Variants in LINGO2 observed in about 807,000 individuals in gnomAD.
LINGO2 encodes the protein leucine rich repeat and Ig domain containing 2.
A neutral mutation model predicts 30.6 loss-of-function variants in LINGO2; 14 were observed. The observed-to-expected ratio is 0.46, with a 90% CI of 0.30 to 0.72. LINGO2 has a LOEUF of 0.72. LINGO2 is among the 30% of genes least tolerant of loss of function. LINGO2 has a pLI of 0.07. For missense variants in LINGO2, 729 were observed against 751.7 expected (o/e 0.97, Z 0.35); for synonymous variants, 317 against 288.5 (o/e 1.10, Z -1.00).
intron 1 of LINGO2, among the ~76,000 whole-genome samples, chr9:28,556,744 C>G (rs566897375): frequency 1.1e-3 from 162 of 152,086 alleles, no homozygotes; most frequent in African/African-American, 3.3e-3. Flanking sequence ...TGACTTCAAA[C>G]TATACTACAA....
chr9:29,189,302 G>A, the LINGO2 span, among the ~76,000 whole-genome samples: 1 of 151,720 alleles, frequency 6.6e-6, no homozygotes, highest in Non-Finnish European at 1.5e-5. Context: ...GGACGGGGTG[G>A]CTGCCGGGCG....
chr9:28,639,625 A>C (rs1015561078), intron 1 of LINGO2, among the ~76,000 whole-genome samples: 2 of 152,016 alleles, frequency 1.3e-5, no homozygotes, highest in Admixed American at 6.5e-5. Context: ...CTGTTTTATC[A>C]GAGACTAGGA....
At chr9:28,250,113 T>A (rs1442008202) in intron 4 of LINGO2, among the ~76,000 whole-genome samples, 5 of 152,112 alleles carry the variant, frequency 3.3e-5, no homozygotes, top group Non-Finnish European at 7.4e-5. Context: ...GTCCCTGTCC[T>A]CATGGGTCTT....
intron 1 of LINGO2, among the ~76,000 whole-genome samples, chr9:28,524,332 AAT>A: frequency 6.6e-6 from 1 of 152,328 alleles, no homozygotes; most frequent in South Asian, 2.1e-4. Flanking sequence ...GGTATAGGAG[AAT>A]ATGTTTGTAA....
chr9:28,777,893 C>A, the LINGO2 span, among the ~76,000 whole-genome samples: 3 of 152,008 alleles, frequency 2.0e-5, no homozygotes, highest in Non-Finnish European at 4.4e-5. Flanking sequence ...ATTTTAAAAT[C>A]CTGATTTCTC....
chr9:28,617,823 G>C (rs532890593), intron 1 of LINGO2, among the ~76,000 whole-genome samples: 116 of 151,940 alleles, frequency 7.6e-4, no homozygotes, highest in African/African-American at 2.7e-3. Context: ...ATTAACTAAG[G>C]CTGGGCAAGA....
chr9:28,792,456 AAC>A, the LINGO2 span, among the ~76,000 whole-genome samples: 2 of 152,100 alleles, frequency 1.3e-5, no homozygotes, highest in African/African-American at 4.8e-5. Flanking sequence ...TATGATCATA[AAC>A]ACACTATCTT....
At chr9:28,447,018 C>A (rs541730460) in intron 2 of LINGO2, among the ~76,000 whole-genome samples, 2 of 152,140 alleles carry the variant, frequency 1.3e-5, no homozygotes, top group Non-Finnish European at 2.9e-5. Flanking sequence ...CTGCCCTCCC[C>A]CTCAGTGCCC....
At chr9:29,173,427 G>A in the LINGO2 span, among the ~76,000 whole-genome samples, 32 of 152,154 alleles carry the variant, frequency 2.1e-4, no homozygotes, top group Middle Eastern at 3.4e-3. Context: ...CGAATTTACC[G>A]ATTTACACTG....
At chr9:28,919,593 T>A in the LINGO2 span, among the ~76,000 whole-genome samples, 1 of 152,132 alleles carries the variant, frequency 6.6e-6, no homozygotes, top group African/African-American at 2.4e-5. Context: ...ATCACAGGTG[T>A]ATGTGTCATA....
intron 2 of LINGO2, among the ~76,000 whole-genome samples, chr9:28,397,386 T>A (rs185810602): frequency 3.4e-5 from 5 of 149,070 alleles, no homozygotes; most frequent in African/African-American, 1.2e-4. Context: ...TATATATATA[T>A]ACACACATTA....
chr9:28,533,918 G>T (rs1343338222), intron 1 of LINGO2, among the ~76,000 whole-genome samples: 1 of 152,118 alleles, frequency 6.6e-6, no homozygotes, highest in African/African-American at 2.4e-5. Context: ...ATTTTGGACT[G>T]CTAGGTTACA....
At chr9:28,040,460 A>G (rs1824149038) in intron 4 of LINGO2, among the ~76,000 whole-genome samples, 1 of 140,498 alleles carries the variant, frequency 7.1e-6, no homozygotes, top group Admixed American at 7.4e-5. Flanking sequence ...GGGATTCACT[A>G]CCTCACAAGA....
Position 28,178,901 on chromosome 9 carries a change from C to T in LINGO2, c.-87+116307G>A, listed in dbSNP as rs879437320. Among the ~76,000 whole-genome samples the T allele has an allele frequency of 5.9e-5, 9 of 152,096 alleles. No homozygotes were observed. In the East Asian group the frequency reaches 9.6e-4, roughly 16 times the overall value. On this transcript the variant is annotated intron_variant, in intron 4 of 5. Coordinates refer to ENST00000379992, the Ensembl canonical transcript of LINGO2. ...GCTTCTTTCTAAGTGGGAAACGATA[C>T]GCACTCCATTTTCAATTTTTCTGAA...
chr9:28,858,772 G>T, the LINGO2 span, among the ~76,000 whole-genome samples: 7 of 152,070 alleles, frequency 4.6e-5, no homozygotes, highest in Non-Finnish European at 1.0e-4. Flanking sequence ...ATAAAACTGA[G>T]AAGTGAGTTT....
the LINGO2 span, among the ~76,000 whole-genome samples, chr9:29,085,047 G>C: frequency 6.6e-6 from 1 of 151,580 alleles, no homozygotes; most frequent in Non-Finnish European, 1.5e-5. Flanking sequence ...TTCAAACCTA[G>C]AACACAGGTA....
intron 4 of LINGO2, among the ~76,000 whole-genome samples, chr9:28,217,705 T>C (rs905363403): frequency 1.3e-5 from 2 of 152,030 alleles, no homozygotes; most frequent in African/African-American, 4.8e-5. Context: ...TAAAAGATAT[T>C]TGGTGACTTA....
chr9:28,515,961 A>G (rs1820604096), intron 1 of LINGO2, among the ~76,000 whole-genome samples: 1 of 152,204 alleles, frequency 6.6e-6, no homozygotes, highest in African/African-American at 2.4e-5. Context: ...GCCTTCAGCA[A>G]CCACCACTCT....
the LINGO2 span, among the ~76,000 whole-genome samples, chr9:28,891,257 T>C: frequency 6.6e-6 from 1 of 151,988 alleles, no homozygotes; most frequent in Non-Finnish European, 1.5e-5. Flanking sequence ...ATGTATTCTA[T>C]GTGTGCCTCA....
Sources: allele counts gnomAD v4.1 joint callset (sites outside exome capture counted in the v4.1 genomes callset), GRCh38; gene constraint gnomAD v4.1.1; transcripts MANE v1.5; gene names NCBI Gene and HGNC (gene_info 2026-07-23, HGNC 2026-07-21).